The following PLXNC1 variants were observed in gnomAD, a reference collection of about 807,000 sequenced individuals.
The protein encoded by PLXNC1 is plexin C1.
Under a neutral mutation model 178.2 loss-of-function variants are expected in PLXNC1, and 75 were observed. The ratio of observed to expected loss-of-function variants is 0.42; its 90% CI spans 0.35 to 0.51. PLXNC1 has a LOEUF of 0.51. Ranked by LOEUF, PLXNC1 falls within the 20% of genes least tolerant of loss-of-function variation. The pLI is 0.02. For synonymous variants in PLXNC1, 790 were observed against 779.9 expected, an observed-to-expected ratio of 1.01 and a Z score of -0.22; for missense variants, 1,503 against 1,984.4, an observed-to-expected ratio of 0.76 and a Z score of 4.61.
intron 23 of PLXNC1, among the ~76,000 whole-genome samples, chr12:94,288,399 A>C (rs1966915355): frequency 6.6e-6 from 1 of 151,564 alleles, no homozygotes; most frequent in Non-Finnish European, 1.5e-5. Context: ...AGTTTCCCAC[A>C]CATTCTTGGT....
rs527375686 is a variant in PLXNC1, at chr12:94,281,458, G to A, written c.3776-840G>A. ...AGCTTGACTTAATGGGAAAGGACTC[G>A]CCATCCAAGGGGACAGTGCCATTTG... On this transcript the variant is annotated intron_variant, in intron 22 of 30. Transcript: ENST00000258526. 1.8e-4 allele frequency among the ~76,000 whole-genome samples: 28 copies of A among 152,282 alleles called. 1 individual carries two copies. Among genetic ancestry groups the A allele is most frequent in the East Asian group, 7.7e-4 (4 of 5,190 alleles).
chr12:94,154,641 C>G (rs1015413347), intron 1 of PLXNC1, among the ~76,000 whole-genome samples: 8 of 152,218 alleles, frequency 5.3e-5, no homozygotes, highest in Admixed American at 3.3e-4. Context: ...CTGTATGGAG[C>G]AAGCTAAGCC....
chr12:94,194,823 G>A (rs1962858813), intron 4 of PLXNC1, among the ~76,000 whole-genome samples: 1 of 152,170 alleles, frequency 6.6e-6, no homozygotes, highest in Non-Finnish European at 1.5e-5. Flanking sequence ...GTACATCATT[G>A]TAGGCCCAGT....
At chr12:94,280,403 C>T (rs992075602) in intron 22 of PLXNC1, among the ~76,000 whole-genome samples, 14 of 152,190 alleles carry the variant, frequency 9.2e-5, no homozygotes, top group Admixed American at 1.3e-4. Context: ...CCTTGATGTA[C>T]AGTTATAGGC....
At chr12:94,179,695 C>G (rs3847807) in intron 2 of PLXNC1, among the ~76,000 whole-genome samples, 2 of 146,394 alleles carry the variant, frequency 1.4e-5, no homozygotes, top group Admixed American at 7.0e-5. Context: ...GAGCCAAGAT[C>G]GCACCACTGC....
chr12:94,210,708 C>T (rs1482421636), intron 5 of PLXNC1, among the ~76,000 whole-genome samples: 5 of 152,054 alleles, frequency 3.3e-5, no homozygotes, highest in Non-Finnish European at 5.9e-5. Context: ...CTGATCAGAA[C>T]GAACAGATTT....
intron 27 of PLXNC1, 69 bp downstream of exon 27, chr12:94,298,864 T>C (rs1018006785): frequency 1.2e-5 from 17 of 1,392,522 alleles, no homozygotes; most frequent in African/African-American, 7.3e-5. Context: ...AAGAAAGACA[T>C]AGATAGTTAT....
At chr12:94,217,818 TC>T (rs1286076777) in intron 5 of PLXNC1, among the ~76,000 whole-genome samples, 1 of 152,224 alleles carries the variant, frequency 6.6e-6, no homozygotes, top group Non-Finnish European at 1.5e-5. Flanking sequence ...CTTCTACTAG[TC>T]TATAAGCTCT....
intron 21 of PLXNC1, among the ~76,000 whole-genome samples, chr12:94,271,842 T>G (rs1965590255): frequency 6.6e-6 from 1 of 152,348 alleles, no homozygotes; most frequent in East Asian, 1.9e-4. Flanking sequence ...TGGTTGGTTA[T>G]TTATTGATGA....
At chr12:94,242,985 CTG>C (rs1964430867) in intron 11 of PLXNC1, among the ~76,000 whole-genome samples, 1 of 152,264 alleles carries the variant, frequency 6.6e-6, no homozygotes, top group Admixed American at 6.5e-5. Context: ...CATTCTGAGC[CTG>C]TGTGTCTTGG....
intron 1 of PLXNC1, among the ~76,000 whole-genome samples, chr12:94,165,232 T>C (rs57767038): frequency 0.049 from 7,537 of 152,322 alleles, 231 homozygotes; most frequent in African/African-American, 0.089. Flanking sequence ...TTCTTCTGCC[T>C]GGCTCCCTGG....
At chr12:94,202,022 G>A (rs1963144646) in intron 4 of PLXNC1, among the ~76,000 whole-genome samples, 1 of 151,950 alleles carries the variant, frequency 6.6e-6, no homozygotes, top group Non-Finnish European at 1.5e-5. Context: ...GCCTCCCAAA[G>A]TGCTGGGATT....
At chr12:94,205,575 G>T (rs1309630161) in intron 4 of PLXNC1, among the ~76,000 whole-genome samples, 1 of 152,174 alleles carries the variant, frequency 6.6e-6, no homozygotes, top group Non-Finnish European at 1.5e-5. Flanking sequence ...ACCTTTTTGG[G>T]AGTAGAATGG....
chr12:94,300,484 A>AGGGCCAGGT (rs1027320299), intron 27 of PLXNC1, among the ~76,000 whole-genome samples: 1 of 152,112 alleles, frequency 6.6e-6, no homozygotes, highest in Non-Finnish European at 1.5e-5. Flanking sequence ...GTGGGATAGG[A>AGGGCCAGGT]GGGCCAGGTC....
At chr12:94,169,375 G>A in intron 2 of PLXNC1, 82 bp downstream of exon 2, 1 of 1,226,874 alleles carries the variant, frequency 8.2e-7, no homozygotes, top group Non-Finnish European at 1.2e-6. Context: ...TAATGCTTCT[G>A]GGTTATACAT....
rs1313123856 is a variant in PLXNC1 at position 94,211,993 on chromosome 12, G to A, written c.1554+2289G>A. ...GATATGTAATAAAAATAGAAAAGAC[G>A]GCCGGGCGCGGTGGCTCACGCCTGT... On this transcript the variant is annotated intron_variant, in intron 5 of 30. Coordinates refer to ENST00000258526, the MANE Select transcript of PLXNC1 (RefSeq NM_005761.3). 3.9e-5 allele frequency among the ~76,000 whole-genome samples: 6 copies of A among 152,286 alleles called. No homozygotes were observed. In the East Asian group the frequency reaches 5.8e-4, roughly 15 times the overall value.
intron 9 of PLXNC1, among the ~76,000 whole-genome samples, chr12:94,233,131 A>G (rs1382363375): frequency 1.3e-5 from 2 of 152,156 alleles, no homozygotes; most frequent in Admixed American, 1.3e-4. Context: ...GGAGTGTATT[A>G]ACCTCAAAGA....
At chr12:94,219,748 T>C (rs1963737050) in intron 5 of PLXNC1, among the ~76,000 whole-genome samples, 1 of 152,094 alleles carries the variant, frequency 6.6e-6, no homozygotes, top group Non-Finnish European at 1.5e-5. Context: ...AATAAGAATA[T>C]GCTCTTTACA....
chr12:94,192,652 A>G (rs11107434), intron 4 of PLXNC1, among the ~76,000 whole-genome samples: 56,557 of 151,876 alleles, frequency 0.37, 11,644 homozygotes, highest in East Asian at 0.59. Flanking sequence ...CTTAAGGCAC[A>G]TAGAAGTAGC....
Sources: gnomAD v4.1 joint callset for allele counts (sites outside exome capture counted in the v4.1 genomes callset) on GRCh38, gnomAD v4.1.1 for gene constraint, MANE v1.5 for transcripts, NCBI Gene and HGNC (gene_info 2026-07-23, HGNC 2026-07-21) for gene names.